Variants in CCDC175 observed in about 807,000 individuals in gnomAD.
CCDC175 encodes the protein coiled-coil domain-containing protein 175.
In CCDC175, 100 loss-of-function variants were observed where a neutral mutation model predicts 114.6. That is an observed-to-expected ratio of 0.87 (90% CI 0.74 to 1.03). The LOEUF is 1.03. CCDC175 is among the 50% of genes least tolerant of loss of function. The pLI, the probability that CCDC175 is intolerant of heterozygous loss-of-function variation, is 0.00. For synonymous variants in CCDC175, 306 were observed against 308.7 expected, an observed-to-expected ratio of 0.99 and a Z score of 0.09; for missense variants, 880 against 917.8, an observed-to-expected ratio of 0.96 and a Z score of 0.53.
chr14:59,512,805 GGTGTGTGT>G (rs140076678), intron 17 of CCDC175, among the ~76,000 whole-genome samples: 2,112 of 144,404 alleles, frequency 0.015, 23 homozygotes, highest in African/African-American at 0.042. Context: ...TCTCAGCAGG[GGTGTGTGT>G]GTGTGTGTGT....
chr14:59,506,281 TTTTTTTTTTC>T (rs1892379661), intron 19 of CCDC175, among the ~76,000 whole-genome samples: 1 of 151,778 alleles, frequency 6.6e-6, no homozygotes, highest in African/African-American at 2.4e-5. Flanking sequence ...AGGGATTTTT[TTTTTTTTTTC>T]TTTTTTTTTT....
chr14:59,545,549 G>A (rs1164636828), intron 8 of CCDC175, among the ~76,000 whole-genome samples: 1 of 152,156 alleles, frequency 6.6e-6, no homozygotes, highest in African/African-American at 2.4e-5. Context: ...AATCCATATT[G>A]AAATGCAAAA....
intron 19 of CCDC175, among the ~76,000 whole-genome samples, chr14:59,508,059 G>GAATGCAGT (rs1244165614): frequency 1.3e-5 from 2 of 152,114 alleles, no homozygotes; most frequent in African/African-American, 4.8e-5. Context: ...ATTGTTCTAA[G>GAATGCAGT]AATGCAGTCT....
chr14:59,559,034 T>A (rs1896079477), intron 7 of CCDC175, among the ~76,000 whole-genome samples: 1 of 152,080 alleles, frequency 6.6e-6, no homozygotes, highest in Non-Finnish European at 1.5e-5. Flanking sequence ...TTTGAGAACT[T>A]TCAGGAATTG....
intron 12 of CCDC175, 43 bp downstream of exon 12, chr14:59,538,662 T>C: frequency 1.4e-5 from 20 of 1,420,016 alleles, no homozygotes; most frequent in Non-Finnish European, 1.9e-5. Context: ...ATTGCTGATA[T>C]GCAATGTAGG....
rs1255259488 is a variant in CCDC175 at position 59,568,264 on chromosome 14, T to C, written c.472A>G (p.Lys158Glu). ...ACCTACCCCAGAGCTTCATTATATTTTGTCAGGTCAGTTATTTTCTTCTTC... is the reference window on the plus strand; with the variant it reads ...ACCTACCCCAGAGCTTCATTATATTCTGTCAGGTCAGTTATTTTCTTCTTC... ...LLKKKITDLT[K>E]YNEALGEKQE... Residue 158 changes from lysine (K) to glutamate (E), a missense_variant, in exon 4 of 20, where the codon AAA becomes GAA. Transcript: ENST00000537690. 2.6e-6 allele frequency: 4 copies of C among 1,531,162 alleles called. No individual in the cohort carries two copies. In the Admixed American group the frequency reaches 8.1e-5, roughly 31 times the overall value. The allele number at this position is 1,531,162 out of a possible 1,614,324, so 94.8% of individuals were successfully genotyped here.
At chr14:59,573,570 T>A (rs1432729819) in intron 2 of CCDC175, among the ~76,000 whole-genome samples, 1 of 151,846 alleles carries the variant, frequency 6.6e-6, no homozygotes, top group Admixed American at 6.6e-5. Flanking sequence ...AAAGTCAACA[T>A]GTATTACTTT....
intron 8 of CCDC175, among the ~76,000 whole-genome samples, chr14:59,548,173 C>T: frequency 6.6e-6 from 1 of 152,002 alleles, no homozygotes; most frequent in Non-Finnish European, 1.5e-5. Context: ...TGGAGGACAT[C>T]ATGTTAAGTG....
chr14:59,547,589 T>C (rs960815766), intron 8 of CCDC175, among the ~76,000 whole-genome samples: 1 of 152,206 alleles, frequency 6.6e-6, no homozygotes, highest in Admixed American at 6.5e-5. Flanking sequence ...GACCACAATG[T>C]AGTGAAGGAA....
chr14:59,533,335 A>T (rs940641175), intron 13 of CCDC175, among the ~76,000 whole-genome samples: 1 of 152,190 alleles, frequency 6.6e-6, no homozygotes, highest in Non-Finnish European at 1.5e-5. Flanking sequence ...TATACAAGCA[A>T]TGTTGCTTCA....
At chr14:59,551,220 A>G in intron 8 of CCDC175, 135 bp downstream of exon 8, 1 of 502,482 alleles carries the variant, frequency 2.0e-6, no homozygotes, top group Non-Finnish European at 3.4e-6. Context: ...AATTTTTTAA[A>G]TTACTACAAA....
chr14:59,532,617 T>A (rs527509577), intron 13 of CCDC175, among the ~76,000 whole-genome samples: 4 of 152,304 alleles, frequency 2.6e-5, no homozygotes, highest in Admixed American at 2.6e-4. Flanking sequence ...CCAAGGAGTT[T>A]GTGCATGGAA....
At chr14:59,553,998 T>A (rs1330074920) in intron 7 of CCDC175, among the ~76,000 whole-genome samples, 8 of 152,098 alleles carry the variant, frequency 5.3e-5, no homozygotes, top group Non-Finnish European at 2.9e-5. Flanking sequence ...AGACTTAGAC[T>A]CCCACACAAT....
At chr14:59,562,890 A>G (rs911421210) in intron 6 of CCDC175, among the ~76,000 whole-genome samples, 4 of 152,162 alleles carry the variant, frequency 2.6e-5, no homozygotes, top group Non-Finnish European at 5.9e-5. Flanking sequence ...AAATGCACAT[A>G]TTTGGGAGAA....
intron 7 of CCDC175, among the ~76,000 whole-genome samples, chr14:59,560,588 T>C (rs1896175179): frequency 6.6e-6 from 1 of 152,128 alleles, no homozygotes. Context: ...TGTGTGCAGA[T>C]AAAGAGAGGA....
At chr14:59,531,062 C>T (rs1191858345) in intron 14 of CCDC175, among the ~76,000 whole-genome samples, 1 of 151,822 alleles carries the variant, frequency 6.6e-6, no homozygotes, top group Non-Finnish European at 1.5e-5. Context: ...ATCTCCTAAG[C>T]CCAGGAGTTT....
intron 7 of CCDC175, among the ~76,000 whole-genome samples, chr14:59,559,918 A>G (rs1896133046): frequency 1.3e-5 from 2 of 152,178 alleles, no homozygotes. Flanking sequence ...GCTAACATGA[A>G]GACTGCTTAT....
At chr14:59,528,584 T>C (rs1595005763) in intron 14 of CCDC175, among the ~76,000 whole-genome samples, 1 of 152,154 alleles carries the variant, frequency 6.6e-6, no homozygotes, top group Non-Finnish European at 1.5e-5. Context: ...CTACATTTCA[T>C]CCCTAACCTT....
chr14:59,541,936 G>A (rs1357593702), intron 10 of CCDC175, among the ~76,000 whole-genome samples: 1 of 152,124 alleles, frequency 6.6e-6, no homozygotes, highest in African/African-American at 2.4e-5. Context: ...TGACATAATT[G>A]GAAACAGATG....
Sources: gnomAD v4.1 joint callset for allele counts (sites outside exome capture counted in the v4.1 genomes callset) on GRCh38, gnomAD v4.1.1 for gene constraint, MANE v1.5 for transcripts, NCBI Gene and HGNC (gene_info 2026-07-23, HGNC 2026-07-21) for gene names.